TAF3: variants seen among roughly 807,000 people sequenced by gnomAD.
TAF3 encodes TATA-box binding protein associated factor 3.
TAF3 carries 7 observed loss-of-function variants against 80.6 expected under a neutral mutation model. That is an observed-to-expected ratio of 0.09 (90% CI 0.05 to 0.16). The LOEUF (loss-of-function observed/expected upper bound fraction) is 0.16, where lower values mean the gene tolerates loss of function less well. TAF3 is among the 10% of genes least tolerant of loss of function. The pLI is 1.00. For missense variants in TAF3, 921 were observed against 1,140.2 expected, an observed-to-expected ratio of 0.81 and a Z score of 2.77; for synonymous variants, 444 against 446.1, an observed-to-expected ratio of 1.00 and a Z score of 0.06.
intron 2 of TAF3, among the ~76,000 whole-genome samples, chr10:7,960,439 A>G (rs1449248539): frequency 6.6e-6 from 1 of 152,248 alleles, no homozygotes; most frequent in Non-Finnish European, 1.5e-5. Context: ...ACTGGAACAC[A>G]GTAGACCCCA....
At chr10:7,861,242 C>T (rs775835028) in intron 2 of TAF3, among the ~76,000 whole-genome samples, 10 of 152,090 alleles carry the variant, frequency 6.6e-5, no homozygotes, top group Non-Finnish European at 1.3e-4. Flanking sequence ...GGATTACAGG[C>T]GTGAGCCACC....
At position 7,911,981 on chromosome 10, in the gene TAF3, G is replaced by A. The variant is rs75536690; in HGVS notation, c.410-51939G>A. ...TAAATCATGCCCAGGCTACCACAACGAGTCATATGCACTTTCGGATCATCC... is the reference window on the plus strand; with the variant it reads ...TAAATCATGCCCAGGCTACCACAACAAGTCATATGCACTTTCGGATCATCC... On this transcript the variant is annotated intron_variant, in intron 2 of 6. Coordinates refer to ENST00000344293, the MANE Select transcript of TAF3 (RefSeq NM_031923.4). 3.4e-4 allele frequency among the ~76,000 whole-genome samples: 52 copies of A among 152,226 alleles called. No individual in the cohort carries two copies. In the East Asian group the frequency reaches 9.1e-3, roughly 27 times the overall value.
At chr10:7,874,868 T>TA (rs1248850698) in intron 2 of TAF3, among the ~76,000 whole-genome samples, 7 of 152,102 alleles carry the variant, frequency 4.6e-5, no homozygotes, top group Non-Finnish European at 1.0e-4. Flanking sequence ...CTAAAGAAAT[T>TA]ATGTATTGAG....
intron 3 of TAF3, among the ~76,000 whole-genome samples, chr10:7,975,725 G>C: frequency 6.6e-6 from 1 of 152,210 alleles, no homozygotes; most frequent in East Asian, 1.9e-4. Flanking sequence ...ACTCTAGGAA[G>C]AGACAGATAA....
intron 2 of TAF3, among the ~76,000 whole-genome samples, chr10:7,905,079 G>A (rs1417729890): frequency 6.6e-6 from 1 of 152,138 alleles, no homozygotes; most frequent in Non-Finnish European, 1.5e-5. Context: ...CCAAGTAGTA[G>A]GAGGGCATTT....
intron 2 of TAF3, among the ~76,000 whole-genome samples, chr10:7,892,158 G>C (rs1588541152): frequency 1.3e-5 from 2 of 152,102 alleles, no homozygotes; most frequent in East Asian, 3.9e-4. Context: ...TGCTTATTTT[G>C]CTCCTTAGCT....
intron 2 of TAF3, among the ~76,000 whole-genome samples, chr10:7,880,512 T>G (rs1216289821): frequency 6.6e-6 from 1 of 152,158 alleles, no homozygotes; most frequent in African/African-American, 2.4e-5. Flanking sequence ...TGAGCCACAG[T>G]TAAGTAACAG....
intron 2 of TAF3, among the ~76,000 whole-genome samples, chr10:7,889,688 A>G (rs1433520777): frequency 2.0e-5 from 3 of 152,172 alleles, no homozygotes; most frequent in Non-Finnish European, 1.5e-5. Flanking sequence ...AGAAGGAATT[A>G]ATTATTTCTT....
chr10:8,012,833 A>G (rs745770665), intron 5 of TAF3, among the ~76,000 whole-genome samples: 2 of 152,220 alleles, frequency 1.3e-5, no homozygotes, highest in Non-Finnish European at 2.9e-5. Context: ...TCAGTGTGGT[A>G]TTTGAAAGTC....
At chr10:8,000,267 C>A (rs1831929926) in intron 4 of TAF3, among the ~76,000 whole-genome samples, 1 of 151,982 alleles carries the variant, frequency 6.6e-6, no homozygotes, top group Non-Finnish European at 1.5e-5. Context: ...CAGGCATGCA[C>A]CACCACGCCC....
Position 8,009,353 on chromosome 10 carries a change from G to T in TAF3, c.2568+23G>T. 6.3e-7 allele frequency: 1 copy of T among 1,583,100 alleles called. No homozygotes were observed. The highest frequency in any genetic ancestry group is 8.6e-7 in the Non-Finnish European group (1 of 1,164,248). The stretch of plus-strand genomic sequence containing the variant: ...GTGGTGCGTACCTGCCGCCCGCGCG[G>T]TTAGCATGGAGACGTTTTCAGATCG... On this transcript the variant is annotated intron_variant, in intron 5 of 6. Transcript: ENST00000344293. This position sits in a 1 kb window ranked among gnomAD's most constrained non-coding sequence, Gnocchi z 4.1.
chr10:7,877,518 C>G (rs1387787757), intron 2 of TAF3, among the ~76,000 whole-genome samples: 3 of 151,922 alleles, frequency 2.0e-5, no homozygotes, highest in Non-Finnish European at 4.4e-5. Flanking sequence ...TTATTTAATT[C>G]CTAAATATTT....
chr10:7,889,904 A>G (rs1204790187), intron 2 of TAF3, among the ~76,000 whole-genome samples: 2 of 151,996 alleles, frequency 1.3e-5, no homozygotes, highest in African/African-American at 4.8e-5. Context: ...TCTCATTTGG[A>G]TTTTGAATTT....
intron 4 of TAF3, among the ~76,000 whole-genome samples, chr10:7,987,218 A>T (rs536958320): frequency 1.3e-5 from 2 of 152,284 alleles, no homozygotes; most frequent in Admixed American, 1.3e-4. Flanking sequence ...CGTACTCAGG[A>T]GGCTGAGGCT....
Position 7,953,243 on chromosome 10 carries a change from G to A in TAF3, c.410-10677G>A, listed in dbSNP as rs77149767. Among the ~76,000 whole-genome samples the A allele has an allele frequency of 5.8e-3, 878 of 152,216 alleles. 4 individuals carry two copies. The highest frequency in any genetic ancestry group is 7.8e-3 in the Non-Finnish European group (533 of 68,012). On this transcript the variant is annotated intron_variant, in intron 2 of 6. Coordinates refer to ENST00000344293, the MANE Select transcript of TAF3 (RefSeq NM_031923.4). ...AGAGTTGTTCATTTGTTAGTTTCAT[G>A]GTCTTAAAAATATTTTCACAGCAAC...
intron 2 of TAF3, among the ~76,000 whole-genome samples, chr10:7,826,448 T>A (rs1564341541): frequency 1.9e-5 from 2 of 105,608 alleles, no homozygotes. Context: ...GTGTTTTTTT[T>A]GTTTTGTTTT....
intron 2 of TAF3, among the ~76,000 whole-genome samples, chr10:7,903,179 C>T (rs1837576311): frequency 6.6e-6 from 1 of 152,190 alleles, no homozygotes; most frequent in African/African-American, 2.4e-5. Context: ...GTGATTGTGC[C>T]ACTGCACTCT....
chr10:8,009,402 C>A lies in TAF3; in HGVS notation c.2568+72C>A. ...CGAGACAAGTGTGTGCTCTGAATCA[C>A]TATCGAATTTCAGACGCATTTCTCT... On this transcript the variant is annotated intron_variant, in intron 5 of 6. Coordinates refer to ENST00000344293, the MANE Select transcript of TAF3 (RefSeq NM_031923.4). This position sits in a 1 kb window ranked among gnomAD's most constrained non-coding sequence, Gnocchi z 4.1. 1.3e-6 allele frequency: 2 copies of A among 1,492,022 alleles called. No individual in the cohort carries two copies. Among genetic ancestry groups the A allele is most frequent in the Non-Finnish European group, 1.8e-6 (2 of 1,120,450 alleles). The allele number at this position is 1,492,022 out of a possible 1,614,324, so 92.4% of individuals were successfully genotyped here.
chr10:8,009,201 G>A lies in TAF3; in HGVS notation c.2439G>A (p.Val813=). ...CCATGCTCGTCAGCCCTGCGCCCGTGCCGCTGCCGCTGCTCGCCCAGGCCG... is the reference window on the plus strand; with the variant it reads ...CCATGCTCGTCAGCCCTGCGCCCGTACCGCTGCCGCTGCTCGCCCAGGCCG... ...PGPMLVSPAP[V]PLPLLAQAAA... is the part of the protein sequence containing the mutation. Residue 813 remains valine, a synonymous_variant, in exon 5 of 7, where the codon GTG becomes GTA. Coordinates refer to ENST00000344293, the MANE Select transcript of TAF3 (RefSeq NM_031923.4). This position sits in a 1 kb window ranked among gnomAD's most constrained non-coding sequence, Gnocchi z 4.1. 2 of 1,443,888 alleles carry A rather than the reference G, an allele frequency of 1.4e-6. No homozygotes were observed. The highest frequency in any genetic ancestry group is 1.3e-5 in the South Asian group (1 of 76,078). 89.4% of individuals were successfully genotyped at this position (1,443,888 alleles called of 1,614,324 possible). A position where few individuals can be genotyped will look rare whatever the true frequency, so the allele number is the denominator to read the frequency against.
Sources: allele counts gnomAD v4.1 joint callset (sites outside exome capture counted in the v4.1 genomes callset), GRCh38; gene constraint gnomAD v4.1.1; non-coding constraint Gnocchi (gnomAD v3.1); transcripts MANE v1.5; gene names NCBI Gene and HGNC (gene_info 2026-07-23, HGNC 2026-07-21).